Variants in RCHY1 observed in about 807,000 individuals in gnomAD.
RCHY1 encodes ring finger and CHY zinc finger domain containing 1, also known as RING finger and CHY zinc finger domain-containing protein 1.
In RCHY1, 21 loss-of-function variants were observed where a neutral mutation model predicts 41.6. The observed-to-expected ratio is 0.51, with a 90% CI of 0.36 to 0.73. The LOEUF is 0.73. RCHY1 is among the 30% of genes least tolerant of loss of function. The pLI is 0.00. For missense variants in RCHY1, 265 were observed against 325.3 expected, an observed-to-expected ratio of 0.81 and a Z score of 1.43; for synonymous variants, 79 against 102.9, an observed-to-expected ratio of 0.77 and a Z score of 1.41.
intron 8 of RCHY1, among the ~76,000 whole-genome samples, chr4:75,484,231 G>A (rs1449977550): frequency 6.6e-6 from 1 of 152,180 alleles, no homozygotes; most frequent in African/African-American, 2.4e-5. Context: ...GGCCCTTTGT[G>A]TCCACTGCTC....
intron 1 of RCHY1, among the ~76,000 whole-genome samples, chr4:75,513,130 T>G (rs1347922920): frequency 1.3e-5 from 2 of 152,170 alleles, no homozygotes; most frequent in Non-Finnish European, 2.9e-5. Flanking sequence ...CCAACATTTT[T>G]AAGGAGCTTC....
chr4:75,494,366 A>T, intron 3 of RCHY1, 187 bp from the exon 4 acceptor site: 1 of 510,098 alleles, frequency 2.0e-6, no homozygotes, highest in Non-Finnish European at 3.5e-6. Flanking sequence ...AGTGGTATCT[A>T]CCCTTCTAGG....
At chr4:75,514,547 C>A (rs955280339), upstream of RCHY1, 9 of 376,664 alleles carry the variant, frequency 2.4e-5, no homozygotes, top group Non-Finnish European at 3.9e-5. Flanking sequence ...TGCCTGTTTT[C>A]CCCCAATCGC....
At chr4:75,493,363 A>G (rs1388746340) in intron 4 of RCHY1, among the ~76,000 whole-genome samples, 1 of 151,900 alleles carries the variant, frequency 6.6e-6, no homozygotes, top group Admixed American at 6.6e-5. Flanking sequence ...AGCTAATATT[A>G]TATTTCTGCA....
intron 8 of RCHY1, 129 bp from the exon 9 acceptor site, chr4:75,482,795 A>G (rs1451643901): frequency 1.7e-6 from 1 of 582,678 alleles, no homozygotes; most frequent in African/African-American, 1.9e-5. Context: ...AATTTCCAAA[A>G]GTAGAAATTT....
rs1397452163 is a variant in RCHY1 at position 75,490,692 on chromosome 4, T to C, written c.546A>G (p.Arg182=). ...CYEEMLKEGY[R]CPLCMHSALD... is the part of the protein sequence containing the mutation. ...AAGCAGAGTGCATACATAATGGACA[T>C]CTGTAGCCTCTGAAAGAGATAGAAA... Residue 182 remains arginine, a synonymous_variant, in exon 8 of 9, where the codon AGA becomes AGG. Coordinates refer to ENST00000324439, the MANE Select transcript of RCHY1 (RefSeq NM_015436.4). The C allele has an allele frequency of 6.2e-7, 1 of 1,603,366 alleles. No homozygotes were observed. The highest frequency in any genetic ancestry group is 8.5e-7 in the Non-Finnish European group (1 of 1,172,958).
intron 4 of RCHY1, among the ~76,000 whole-genome samples, chr4:75,492,331 C>G (rs1286512051): frequency 6.6e-6 from 1 of 151,844 alleles, no homozygotes; most frequent in East Asian, 1.9e-4. Flanking sequence ...AATAATAGTT[C>G]ATATTATTGA....
At position 75,482,621 on chromosome 4, in the gene RCHY1, T is replaced by G; in HGVS notation, c.703A>C (p.Ile235Leu). 1.2e-6 allele frequency: 2 copies of G among 1,610,890 alleles called. No individual in the cohort carries two copies. The highest frequency in any genetic ancestry group is 1.7e-6 in the Non-Finnish European group (2 of 1,177,490). ...CAAATCTTACATTTCATGCCTAATA[T>G]ATGAAACTGAACAGTGGATCGTCCA... is the stretch of plus-strand genomic sequence containing the variant. ...CNGRSTVQFH[I>L]LGMKCKICES... is the part of the protein sequence containing the mutation. Residue 235 changes from isoleucine to leucine, a missense_variant, in exon 9 of 9, where the codon ATA (isoleucine) becomes CTA (leucine). By Grantham distance (5) the Ile-to-Leu change is conservative. Coordinates refer to ENST00000324439, the MANE Select transcript of RCHY1 (RefSeq NM_015436.4).
rs1243094506 is a variant in RCHY1, at chr4:75,504,740, T to A, written c.326+4080A>T. The stretch of plus-strand genomic sequence containing the variant: ...AGCACACATTATCTTCAACTTGGAA[T>A]ACATGGAATTAAAATTTGGGTTTGC... On this transcript the variant is annotated intron_variant, in intron 3 of 8. Coordinates refer to ENST00000324439, the MANE Select transcript of RCHY1 (RefSeq NM_015436.4). Among the ~76,000 whole-genome samples, 3 of 152,202 alleles carry A rather than the reference T, an allele frequency of 2.0e-5. No homozygotes were observed. In the East Asian group the frequency reaches 5.8e-4, roughly 29 times the overall value.
At chr4:75,498,313 T>C (rs1723413286) in intron 3 of RCHY1, among the ~76,000 whole-genome samples, 1 of 151,838 alleles carries the variant, frequency 6.6e-6, no homozygotes, top group Non-Finnish European at 1.5e-5. Flanking sequence ...GTAATGAGAC[T>C]GAAGCCATGA....
chr4:75,504,026 A>T (rs966143729), intron 3 of RCHY1, among the ~76,000 whole-genome samples: 1 of 152,236 alleles, frequency 6.6e-6, no homozygotes, highest in African/African-American at 2.4e-5. Context: ...TACGACTCTC[A>T]AAGTTCTCAA....
chr4:75,506,688 A>C (rs1005693392), intron 3 of RCHY1, among the ~76,000 whole-genome samples: 155 of 152,004 alleles, frequency 1.0e-3, no homozygotes, highest in African/African-American at 3.7e-3. Flanking sequence ...TATGGGATGG[A>C]GTCTCAGAAG....
chr4:75,507,095 G>A (rs1384846169), intron 3 of RCHY1, among the ~76,000 whole-genome samples: 2 of 151,920 alleles, frequency 1.3e-5, no homozygotes, highest in African/African-American at 4.8e-5. Flanking sequence ...AAAACTGAGA[G>A]AATGTATCAT....
intron 3 of RCHY1, among the ~76,000 whole-genome samples, chr4:75,508,156 C>A (rs1222858172): frequency 1.3e-5 from 2 of 152,008 alleles, no homozygotes; most frequent in Non-Finnish European, 2.9e-5. Flanking sequence ...GTGATTACCT[C>A]CAGCAGGGAC....
At chr4:75,511,753 A>T (rs1463932412) in intron 1 of RCHY1, among the ~76,000 whole-genome samples, 1 of 152,126 alleles carries the variant, frequency 6.6e-6, no homozygotes, top group Non-Finnish European at 1.5e-5. Flanking sequence ...GATTCAAGCT[A>T]AGATACTAGC....
chr4:75,487,769 C>CATA lies in RCHY1; in HGVS notation c.657+2809_657+2811dup, dbSNP rs1292929733. ...TATATATATTCATAATATATATATTCATATATATATTCATAATATATATAT... is the reference window on the plus strand; with the variant it reads ...TATATATATTCATAATATATATATTCATAATATATATATTCATAATATATATAT... On this transcript the variant is annotated intron_variant, in intron 8 of 8. Transcript: ENST00000324439. Among the ~76,000 whole-genome samples the CATA allele has an allele frequency of 2.3e-4, 14 of 60,450 alleles. 1 individual carries two copies. Among genetic ancestry groups the CATA allele is most frequent in the African/African-American group, 1.0e-3 (12 of 11,514 alleles). 39.7% of individuals were successfully genotyped at this position (60,450 alleles called of 152,430 possible). A position where few individuals can be genotyped will look rare whatever the true frequency, so the allele number is the denominator to read the frequency against.
chr4:75,498,396 A>G (rs1026201127), intron 3 of RCHY1, among the ~76,000 whole-genome samples: 1 of 151,578 alleles, frequency 6.6e-6, no homozygotes, highest in Non-Finnish European at 1.5e-5. Context: ...ACATTTAAAG[A>G]AAGGAAGGAA....
chr4:75,496,096 T>C (rs1057077831), intron 3 of RCHY1, among the ~76,000 whole-genome samples: 4 of 152,074 alleles, frequency 2.6e-5, no homozygotes, highest in African/African-American at 9.7e-5. Flanking sequence ...ACTCCATAAG[T>C]AAAATTCTGC....
At chr4:75,493,110 A>ACTAT (rs1177659182) in intron 4 of RCHY1, among the ~76,000 whole-genome samples, 10 of 151,832 alleles carry the variant, frequency 6.6e-5, no homozygotes, top group African/African-American at 2.4e-4. Context: ...GATACTATTG[A>ACTAT]CTCCTGGCTA....
Sources: gnomAD v4.1 joint callset for allele counts (sites outside exome capture counted in the v4.1 genomes callset) on GRCh38, gnomAD v4.1.1 for gene constraint, MANE v1.5 for transcripts, NCBI Gene and HGNC (gene_info 2026-07-23, HGNC 2026-07-21) for gene names.